The following TRDN variants were observed in gnomAD, a reference collection of about 807,000 sequenced individuals.
The protein encoded by TRDN is triadin.
In TRDN, 161 loss-of-function variants were observed where a neutral mutation model predicts 149.7. The ratio of observed to expected loss-of-function variants is 1.08; its 90% CI spans 0.95 to 1.23. TRDN has a LOEUF of 1.23. TRDN is among the 50% of genes most tolerant of loss of function. The probability of loss-of-function intolerance (pLI) is 0.00; values close to 1 mark genes in which losing one functional copy is unlikely to be tolerated. For missense variants in TRDN, 896 were observed against 823.5 expected (o/e 1.09, Z -1.08); for synonymous variants, 294 against 250.5 (o/e 1.17, Z -1.64).
intron 4 of TRDN, among the ~76,000 whole-genome samples, chr6:123,545,439 T>C (rs1176991241): frequency 4.0e-5 from 6 of 151,874 alleles, no homozygotes; most frequent in Non-Finnish European, 8.8e-5. Context: ...AGCTTACACA[T>C]AAAAAATAAT....
Position 123,512,283 on chromosome 6 carries a change from A to C in TRDN, c.610+20T>G, listed in dbSNP as rs1236681855. The C allele has an allele frequency of 8.3e-6, 11 of 1,327,154 alleles. No homozygotes were observed. The highest frequency in any genetic ancestry group is 2.1e-5 in the Admixed American group (1 of 46,590). 82.2% of individuals were successfully genotyped at this position (1,327,154 alleles called of 1,614,324 possible). A position where few individuals can be genotyped will look rare whatever the true frequency, so the allele number is the denominator to read the frequency against. On this transcript the variant is annotated intron_variant, in intron 7 of 40. Transcript: ENST00000334268. ...GAGTAAAAAGAATTTAGTTATGGAA[A>C]TAATAAATTGAAAAGTTACCTTTCG...
intron 26 of TRDN, among the ~76,000 whole-genome samples, chr6:123,277,820 C>A (rs1301241016): frequency 6.6e-6 from 1 of 151,960 alleles, no homozygotes; most frequent in Non-Finnish European, 1.5e-5. Context: ...TTTAAGCCAC[C>A]CAGTTTGTGG....
chr6:123,379,794 T>C (rs1781645662), intron 16 of TRDN, among the ~76,000 whole-genome samples: 1 of 152,204 alleles, frequency 6.6e-6, no homozygotes, highest in Non-Finnish European at 1.5e-5. Context: ...TGAGGTCTCT[T>C]TCTTTTACTT....
intron 4 of TRDN, among the ~76,000 whole-genome samples, chr6:123,538,468 G>A (rs1378376925): frequency 1.3e-5 from 2 of 152,002 alleles, no homozygotes; most frequent in Non-Finnish European, 2.9e-5. Flanking sequence ...TTTTATGTTT[G>A]ATTGGTAAAC....
chr6:123,416,331 T>C (rs1773648225), intron 12 of TRDN, among the ~76,000 whole-genome samples: 1 of 152,316 alleles, frequency 6.6e-6, no homozygotes, highest in East Asian at 1.9e-4. Flanking sequence ...CACCTGCTCC[T>C]CACTCATGCT....
intron 26 of TRDN, among the ~76,000 whole-genome samples, chr6:123,277,998 A>G (rs968423245): frequency 6.6e-6 from 1 of 152,204 alleles, no homozygotes; most frequent in Non-Finnish European, 1.5e-5. Flanking sequence ...AGAGAGAAGG[A>G]TGAGAGCAGA....
At chr6:123,629,638 A>G (rs1785871222) in intron 1 of TRDN, among the ~76,000 whole-genome samples, 1 of 152,104 alleles carries the variant, frequency 6.6e-6, no homozygotes, top group Non-Finnish European at 1.5e-5. Context: ...TAAACCACAT[A>G]TATTTAAATG....
chr6:123,337,662 T>C lies in TRDN; in HGVS notation c.1377A>G (p.Arg459=). ...AAGAAGTCTTCCCAGATTTTTCTTTTCTAATTTCTGCAAGAGAGATCATGG... is the reference window on the plus strand; with the variant it reads ...AAGAAGTCTTCCCAGATTTTTCTTTCCTAATTTCTGCAAGAGAGATCATGG... ...KTTKTVEQEI[R]KEKSGKTSSI... is the part of the protein sequence containing the mutation. The change falls in exon 22 of 41, where the codon AGA becomes AGG. Residue 459 remains arginine (R), a synonymous_variant. Transcript: ENST00000334268. 4.8e-6 allele frequency: 7 copies of C among 1,459,700 alleles called. No homozygotes were observed. The highest frequency in any genetic ancestry group is 6.4e-6 in the Non-Finnish European group (7 of 1,088,980). The allele number at this position is 1,459,700 out of a possible 1,614,324, so 90.4% of individuals were successfully genotyped here. A position where few individuals can be genotyped will look rare whatever the true frequency, so the allele number is the denominator to read the frequency against.
At chr6:123,563,477 T>C (rs1317947906) in intron 2 of TRDN, among the ~76,000 whole-genome samples, 1 of 152,204 alleles carries the variant, frequency 6.6e-6, no homozygotes, top group African/African-American at 2.4e-5. Flanking sequence ...GCTTTTCTCT[T>C]CTTAAAAAAA....
chr6:123,259,532 GT>G, intron 35 of TRDN, 91 bp downstream of exon 35: 3 of 844,602 alleles, frequency 3.6e-6, no homozygotes, highest in Non-Finnish European at 5.6e-6. Flanking sequence ...TTCATCAACT[GT>G]TTTTAAATCA....
Position 123,307,972 on chromosome 6 carries a change from T to C in TRDN, c.1510+8485A>G, listed in dbSNP as rs887392076. Among the ~76,000 whole-genome samples the C allele has an allele frequency of 5.3e-5, 8 of 152,142 alleles. No individual in the cohort carries two copies. In the East Asian group the frequency reaches 1.5e-3, roughly 29 times the overall value. ...GATCCCATCAGCAAGGTAGTGAGCA[T>C]ATCACCCAATAGTTAGTTTCTCAAC... On this transcript the variant is annotated intron_variant, in intron 24 of 40. Coordinates refer to ENST00000334268, the MANE Select transcript of TRDN (RefSeq NM_006073.4).
In TRDN at chr6:123,529,414, G is replaced by T. The variant is rs764896775; in HGVS notation, c.484+1092C>A. On this transcript the variant is annotated intron_variant, in intron 5 of 40. Coordinates refer to ENST00000334268, the MANE Select transcript of TRDN (RefSeq NM_006073.4). ...GAGCTTCAATGTTCTGATTGTTGAA[G>T]AATTGGCTGACCAATCTAGAATGAA... is the stretch of plus-strand genomic sequence containing the variant. 2.4e-4 allele frequency: 352 copies of T among 1,460,798 alleles called. 1 individual carries two copies. The Middle Eastern group carries it at 2.7e-3, about 11-fold the overall frequency. 90.5% of individuals were successfully genotyped at this position (1,460,798 alleles called of 1,614,324 possible).
chr6:123,378,932 A>G (rs1450466232), intron 16 of TRDN, among the ~76,000 whole-genome samples: 1 of 152,198 alleles, frequency 6.6e-6, no homozygotes, highest in Admixed American at 6.5e-5. Context: ...CATTATAATA[A>G]GTACTAATTT....
At chr6:123,331,705 T>C (rs1437048129) in intron 23 of TRDN, among the ~76,000 whole-genome samples, 174 bp downstream of exon 23, 2 of 152,040 alleles carry the variant, frequency 1.3e-5, no homozygotes, top group Non-Finnish European at 2.9e-5. Context: ...TTTTGTTTCA[T>C]AGTACAATTT....
At chr6:123,528,220 T>C (rs1229242800) in intron 5 of TRDN, among the ~76,000 whole-genome samples, 5 of 151,676 alleles carry the variant, frequency 3.3e-5, no homozygotes, top group Non-Finnish European at 7.4e-5. Flanking sequence ...AGAATATTAA[T>C]ATAGAATTGT....
At chr6:123,297,894 T>C (rs1235646647) in intron 24 of TRDN, among the ~76,000 whole-genome samples, 1 of 152,056 alleles carries the variant, frequency 6.6e-6, no homozygotes, top group Non-Finnish European at 1.5e-5. Flanking sequence ...TGATATACTA[T>C]TTCATCATCC....
intron 24 of TRDN, among the ~76,000 whole-genome samples, chr6:123,294,126 T>C (rs1582832437): frequency 6.6e-6 from 1 of 152,308 alleles, no homozygotes; most frequent in South Asian, 2.1e-4. Context: ...ATTTACCGGC[T>C]GAACACAGTG....
chr6:123,253,233 A>C (rs762541026), intron 37 of TRDN, among the ~76,000 whole-genome samples: 1 of 152,130 alleles, frequency 6.6e-6, no homozygotes, highest in Non-Finnish European at 1.5e-5. Context: ...TATTGTCCCA[A>C]ACACTAGAGC....
chr6:123,412,932 T>C (rs1195372980), intron 12 of TRDN, among the ~76,000 whole-genome samples: 1 of 152,108 alleles, frequency 6.6e-6, no homozygotes, highest in Non-Finnish European at 1.5e-5. Context: ...TTCCAGCAGA[T>C]TGGAATCCCC....
Sources: gnomAD v4.1 joint callset for allele counts (sites outside exome capture counted in the v4.1 genomes callset) on GRCh38, gnomAD v4.1.1 for gene constraint, MANE v1.5 for transcripts, NCBI Gene and HGNC (gene_info 2026-07-23, HGNC 2026-07-21) for gene names.